Variants in ARHGAP22 observed in about 807,000 individuals in gnomAD.
The protein encoded by ARHGAP22 is rho GTPase-activating protein 22.
A neutral mutation model predicts 59.1 loss-of-function variants in ARHGAP22; 48 were observed. That is an observed-to-expected ratio of 0.81 (90% CI 0.64 to 1.03). The LOEUF is 1.03. Among genes scored for constraint, ARHGAP22 ranks in the 50% least tolerant of loss-of-function variants. ARHGAP22 has a pLI of 0.00. For missense variants in ARHGAP22, 1,015 were observed against 958.7 expected, an observed-to-expected ratio of 1.06 and a Z score of -0.78; for synonymous variants, 445 against 416.4, an observed-to-expected ratio of 1.07 and a Z score of -0.84.
downstream of ARHGAP22, among the ~76,000 whole-genome samples, chr10:48,441,617 A>G (rs527293063): frequency 1.2e-3 from 187 of 152,084 alleles, no homozygotes; most frequent in African/African-American, 4.3e-3. Flanking sequence ...ACACCCGGCT[A>G]ATTTTTTTGT....
chr10:48,572,915 GA>G (rs1237789676), intron 2 of ARHGAP22, among the ~76,000 whole-genome samples: 4 of 152,290 alleles, frequency 2.6e-5, no homozygotes, highest in Non-Finnish European at 5.9e-5. Flanking sequence ...GATTCAAGGG[GA>G]AGGGAAATAG....
At chr10:48,532,456 A>C (rs1391723445) in intron 3 of ARHGAP22, 3 of 152,004 alleles carry the variant, frequency 2.0e-5, no homozygotes, top group Non-Finnish European at 4.4e-5. Flanking sequence ...TTCTCTTTTA[A>C]CACAACCTCC....
the ARHGAP22 span, chr10:48,438,658 A>G: frequency 6.6e-6 from 1 of 152,194 alleles, no homozygotes; most frequent in Admixed American, 6.6e-5. Context: ...ATGCTTTCCC[A>G]AGTAAGCTGT....
intron 4 of ARHGAP22, among the ~76,000 whole-genome samples, chr10:48,478,044 C>A (rs1392496411): frequency 6.6e-6 from 1 of 151,982 alleles, no homozygotes; most frequent in Non-Finnish European, 1.5e-5. Context: ...CTTTCTCTAC[C>A]CCAAGATTAT....
chr10:48,611,314 G>A (rs1363923747), intron 1 of ARHGAP22, among the ~76,000 whole-genome samples: 1 of 152,174 alleles, frequency 6.6e-6, no homozygotes, highest in Admixed American at 6.5e-5. Context: ...GTTAGAGGCT[G>A]AGACGAAAGA....
At chr10:48,472,415 T>G (rs2048318903) in intron 4 of ARHGAP22, among the ~76,000 whole-genome samples, 1 of 151,876 alleles carries the variant, frequency 6.6e-6, no homozygotes, top group African/African-American at 2.4e-5. Context: ...TCCCAGCTAC[T>G]CAGGAGGCTG....
intron 3 of ARHGAP22, among the ~76,000 whole-genome samples, chr10:48,536,913 C>T (rs938596511): frequency 6.6e-6 from 1 of 152,068 alleles, no homozygotes; most frequent in African/African-American, 2.4e-5. Flanking sequence ...ATTTCTTTTC[C>T]TCCCCAAGCT....
intron 1 of ARHGAP22, among the ~76,000 whole-genome samples, chr10:48,638,753 T>C (rs1035694858): frequency 4.6e-5 from 7 of 152,084 alleles, no homozygotes; most frequent in Admixed American, 4.6e-4. Context: ...AACTTCCCCT[T>C]CCCCTCCTAA....
At chr10:48,649,769 C>T (rs1589328167) in intron 1 of ARHGAP22, among the ~76,000 whole-genome samples, 1 of 152,134 alleles carries the variant, frequency 6.6e-6, no homozygotes, top group African/African-American at 2.4e-5. Flanking sequence ...GCACAGAACT[C>T]ACCAAGTGAG....
intron 4 of ARHGAP22, among the ~76,000 whole-genome samples, chr10:48,476,624 G>A (rs535898419): frequency 5.9e-5 from 9 of 152,346 alleles, no homozygotes; most frequent in African/African-American, 2.2e-4. Flanking sequence ...CCGGGAGAAA[G>A]GAGATAAGCG....
At chr10:48,431,252 G>A in the ARHGAP22 span, 3 of 1,611,316 alleles carry the variant, frequency 1.9e-6, no homozygotes, top group Non-Finnish European at 2.5e-6. Flanking sequence ...AGTTATACGG[G>A]GGCAGCCCTC....
intron 3 of ARHGAP22, among the ~76,000 whole-genome samples, chr10:48,488,038 C>A (rs1302084240): frequency 1.3e-5 from 2 of 152,198 alleles, no homozygotes; most frequent in African/African-American, 4.8e-5. Context: ...TGCCACAGAG[C>A]AAGATCCTGT....
At chr10:48,636,996 T>G (rs2061845445) in intron 1 of ARHGAP22, among the ~76,000 whole-genome samples, 1 of 152,162 alleles carries the variant, frequency 6.6e-6, no homozygotes, top group Non-Finnish European at 1.5e-5. Context: ...GACTTTAGCT[T>G]CATTCTGAGA....
chr10:48,612,226 T>C (rs1045760174), intron 1 of ARHGAP22, among the ~76,000 whole-genome samples: 2 of 152,148 alleles, frequency 1.3e-5, no homozygotes, highest in African/African-American at 4.8e-5. Context: ...TCTTTCCTGC[T>C]CTCAAGATTA....
At chr10:48,490,134 T>A (rs2050240992) in intron 3 of ARHGAP22, among the ~76,000 whole-genome samples, 1 of 152,108 alleles carries the variant, frequency 6.6e-6, no homozygotes. Context: ...ACTGTCAGAC[T>A]CATGCACCTG....
intron 5 of ARHGAP22, 67 bp from the exon 6 acceptor site, chr10:48,455,201 C>T (rs373436696): frequency 3.0e-5 from 44 of 1,479,900 alleles, no homozygotes; most frequent in East Asian, 4.7e-5. Context: ...GTGACTGGTA[C>T]GCCCTGACGC....
At chr10:48,628,327 A>G (rs2061517890) in intron 1 of ARHGAP22, among the ~76,000 whole-genome samples, 1 of 152,220 alleles carries the variant, frequency 6.6e-6, no homozygotes, top group Admixed American at 6.5e-5. Flanking sequence ...AGGCCCCAGT[A>G]TCTTGATTCA....
chr10:48,486,064 C>T (rs1822859), intron 3 of ARHGAP22, among the ~76,000 whole-genome samples: 143,806 of 152,040 alleles, frequency 0.95, 68,551 homozygotes, highest in East Asian at 1. Flanking sequence ...TTTTTAATGA[C>T]TTCATTCTAT....
At chr10:48,434,548 A>C in the ARHGAP22 span, among the ~76,000 whole-genome samples, 76,605 of 152,022 alleles carry the variant, frequency 0.5, 19,910 homozygotes, top group Middle Eastern at 0.72. Flanking sequence ...ATGTATTATC[A>C]GCAGTATTCA....
Sources: gnomAD v4.1 joint callset for allele counts (sites outside exome capture counted in the v4.1 genomes callset) on GRCh38, gnomAD v4.1.1 for gene constraint, MANE v1.5 for transcripts, NCBI Gene and HGNC (gene_info 2026-07-23, HGNC 2026-07-21) for gene names.